Variants in COL13A1 observed in about 807,000 individuals in gnomAD.
COL13A1 encodes collagen type XIII alpha 1 chain.
In COL13A1, 89 loss-of-function variants were observed where a neutral mutation model predicts 130.9. That is an observed-to-expected ratio of 0.68 (90% CI 0.57 to 0.81). The LOEUF is 0.81. Among genes scored for constraint, COL13A1 ranks in the 30% least tolerant of loss-of-function variants. The probability of loss-of-function intolerance (pLI) is 0.00; values close to 1 mark genes in which losing one functional copy is unlikely to be tolerated. For missense variants in COL13A1, 879 were observed against 934.6 expected, an observed-to-expected ratio of 0.94 and a Z score of 0.78; for synonymous variants, 402 against 341.6, an observed-to-expected ratio of 1.18 and a Z score of -1.95.
chr10:69,897,369 G>A (rs2061749356), intron 13 of COL13A1: 3 of 1,200,442 alleles, frequency 2.5e-6, no homozygotes, highest in African/African-American at 3.0e-5. Flanking sequence ...GCTTCCCCAG[G>A]GAGGGAGAGG....
intron 35 of COL13A1, among the ~76,000 whole-genome samples, chr10:69,941,815 C>T (rs552916583): frequency 9.2e-5 from 14 of 152,198 alleles, no homozygotes; most frequent in Non-Finnish European, 1.6e-4. Flanking sequence ...CCCGTGAGCG[C>T]CCTCTGAGGT....
chr10:69,918,201 G>A, intron 18 of COL13A1, 84 bp from the exon 19 acceptor site: 2 of 1,229,334 alleles, frequency 1.6e-6, no homozygotes, highest in South Asian at 1.3e-5. Flanking sequence ...ATCACACCAT[G>A]GGGAGGCTGT....
intron 26 of COL13A1, 92 bp downstream of exon 26, chr10:69,925,964 A>G (rs779366231): frequency 5.6e-5 from 61 of 1,093,864 alleles, no homozygotes; most frequent in Non-Finnish European, 5.8e-5. Flanking sequence ...ACAGCCGAGT[A>G]GGGGCCCTGC....
rs1276254433 is a variant in COL13A1, at chr10:69,936,044, GAGGGAGGGAGGGAGGGAGTGAGGGA to G, written c.1770+672_1771-669del. 3.8e-3 allele frequency among the ~76,000 whole-genome samples: 517 copies of G among 134,412 alleles called. 1 individual carries two copies. Among genetic ancestry groups the G allele is most frequent in the Non-Finnish European group, 6.0e-3 (372 of 61,946 alleles). 88.2% of individuals were successfully genotyped at this position (134,412 alleles called of 152,430 possible). On this transcript the variant is annotated intron_variant, in intron 32 of 40. Transcript: ENST00000645393. ...AAGAAAAAGAGAGAAAGAGAGGGAG[GAGGGAGGGAGGGAGGGAGTGAGGGA>G]AGGGAGGGAGGGAGGGAGGGAAGGA...
chr10:69,940,326 T>C (rs1000619229), intron 34 of COL13A1, among the ~76,000 whole-genome samples: 5 of 152,216 alleles, frequency 3.3e-5, no homozygotes, highest in African/African-American at 1.2e-4. Flanking sequence ...TGGGAGCATA[T>C]GAATGGATCG....
chr10:69,907,023 C>A (rs1029449335), intron 17 of COL13A1, among the ~76,000 whole-genome samples: 1 of 152,130 alleles, frequency 6.6e-6, no homozygotes, highest in East Asian at 1.9e-4. Context: ...GCCACCGCGC[C>A]CAGTTATGGC....
Position 69,887,552 on chromosome 10 carries a change from A to T in COL13A1, c.549+61A>T. On this transcript the variant is annotated intron_variant, in intron 8 of 40. Coordinates refer to ENST00000645393, the MANE Select transcript of COL13A1 (RefSeq NM_001368882.1). ...GTGGTCTGTAGGCCTGATTGGGTTA[A>T]ACTTCATCTGAGGTCAGCCCCGGTT... 2.5e-6 allele frequency: 4 copies of T among 1,568,864 alleles called. No individual in the cohort carries two copies. The Admixed American group carries it at 5.2e-5, about 20-fold the overall frequency.
chr10:69,897,340 T>G (rs1449660665), intron 13 of COL13A1: 2 of 855,050 alleles, frequency 2.3e-6, no homozygotes, highest in Non-Finnish European at 3.5e-6. Flanking sequence ...AGGTGGCCCC[T>G]CCTCCATTCC....
chr10:69,897,880 T>C (rs554689703), intron 13 of COL13A1, among the ~76,000 whole-genome samples: 10 of 152,322 alleles, frequency 6.6e-5, no homozygotes, highest in African/African-American at 2.4e-4. Flanking sequence ...TCAGCTTCAA[T>C]GGGTAGAGGG....
chr10:69,944,058 C>A, intron 35 of COL13A1, 67 bp from the exon 36 acceptor site: 1 of 1,359,996 alleles, frequency 7.4e-7, no homozygotes, highest in Non-Finnish European at 1.0e-6. Context: ...CTCTAGGCAT[C>A]AGGTGGGGCA....
chr10:69,835,675 A>G (rs10998991), intron 2 of COL13A1, among the ~76,000 whole-genome samples: 80,166 of 151,984 alleles, frequency 0.53, 21,688 homozygotes, highest in African/African-American at 0.65. Context: ...CAGGGTTGGG[A>G]CTGGAAATAA....
At chr10:69,877,930 T>G in intron 5 of COL13A1, 109 bp from the exon 6 acceptor site, 1 of 669,830 alleles carries the variant, frequency 1.5e-6, no homozygotes, top group Non-Finnish European at 2.8e-6. Flanking sequence ...TCTGTTTGGT[T>G]GTTGTGCTAT....
At chr10:69,913,120 A>G (rs2063555101) in intron 17 of COL13A1, among the ~76,000 whole-genome samples, 1 of 152,186 alleles carries the variant, frequency 6.6e-6, no homozygotes, top group Admixed American at 6.5e-5. Flanking sequence ...AATGACTACA[A>G]TCCATCCCTT....
intron 2 of COL13A1, among the ~76,000 whole-genome samples, chr10:69,825,942 G>A (rs1302565582): frequency 6.6e-6 from 1 of 152,206 alleles, no homozygotes; most frequent in Non-Finnish European, 1.5e-5. Flanking sequence ...GCCTGAGAAG[G>A]ATGCCAAAGG....
chr10:69,887,097 A>G (rs1174512103), intron 7 of COL13A1, among the ~76,000 whole-genome samples: 1 of 152,212 alleles, frequency 6.6e-6, no homozygotes, highest in Non-Finnish European at 1.5e-5. Flanking sequence ...ATCGCCGTCC[A>G]GGAGTTCCAT....
At chr10:69,829,186 T>A (rs1042368242) in intron 2 of COL13A1, 1 of 976,156 alleles carries the variant, frequency 1.0e-6, no homozygotes, top group Non-Finnish European at 1.2e-6. Flanking sequence ...GTCTCATTCA[T>A]CCCACTCTGT....
At chr10:69,901,925 G>C (rs1448624054) in intron 14 of COL13A1, among the ~76,000 whole-genome samples, 1 of 152,180 alleles carries the variant, frequency 6.6e-6, no homozygotes, top group Non-Finnish European at 1.5e-5. Flanking sequence ...GCAGCATAAA[G>C]CACTTCCACA....
intron 5 of COL13A1, 100 bp from the exon 6 acceptor site, chr10:69,877,939 A>G (rs777579548): frequency 6.3e-5 from 43 of 679,522 alleles, no homozygotes; most frequent in African/African-American, 1.4e-4. Flanking sequence ...TTGTTGTGCT[A>G]TGAACATGGA....
Position 69,921,864 on chromosome 10 carries a change from G to A in COL13A1, c.1090-18G>A. The A allele has an allele frequency of 6.3e-7, 1 of 1,599,898 alleles. No individual in the cohort carries two copies. Among genetic ancestry groups the A allele is most frequent in the Non-Finnish European group, 8.5e-7 (1 of 1,173,396 alleles). ...AGAAACAGTTCCTAACCCCCACACT[G>A]TCTGCATCTCCCTGCAGGGTGAGAA... On this transcript the variant is annotated intron_variant, in intron 21 of 40. Coordinates refer to ENST00000645393, the MANE Select transcript of COL13A1 (RefSeq NM_001368882.1).
Sources: allele counts gnomAD v4.1 joint callset (sites outside exome capture counted in the v4.1 genomes callset), GRCh38; gene constraint gnomAD v4.1.1; transcripts MANE v1.5; gene names NCBI Gene and HGNC (gene_info 2026-07-23, HGNC 2026-07-21).